PLCB1: variants seen among roughly 807,000 people sequenced by gnomAD.
PLCB1 encodes 1-phosphatidylinositol 4,5-bisphosphate phosphodiesterase beta-1.
In PLCB1, 46 loss-of-function variants were observed where a neutral mutation model predicts 161.8. The ratio of observed to expected loss-of-function variants is 0.28; its 90% CI spans 0.22 to 0.36. The LOEUF (loss-of-function observed/expected upper bound fraction) is 0.36, where lower values mean the gene tolerates loss of function less well. PLCB1 is among the 10% of genes least tolerant of loss of function. The probability of loss-of-function intolerance (pLI) is 1.00; values close to 1 mark genes in which losing one functional copy is unlikely to be tolerated. For missense variants in PLCB1, 1,016 were observed against 1,472.5 expected, an observed-to-expected ratio of 0.69 and a Z score of 5.07; for synonymous variants, 517 against 503.7, an observed-to-expected ratio of 1.03 and a Z score of -0.35.
intron 2 of PLCB1, among the ~76,000 whole-genome samples, chr20:8,209,734 A>C (rs921669863): frequency 2.6e-5 from 4 of 152,140 alleles, no homozygotes; most frequent in Non-Finnish European, 4.4e-5. Flanking sequence ...ATATGTCACT[A>C]TATAGAACAT....
intron 2 of PLCB1, among the ~76,000 whole-genome samples, chr20:8,176,596 T>C (rs768904194): frequency 1.3e-5 from 2 of 152,180 alleles, no homozygotes; most frequent in Non-Finnish European, 2.9e-5. Context: ...AACCTACAGA[T>C]GATAAACTTG....
At chr20:8,283,756 T>G (rs1982987370) in intron 2 of PLCB1, among the ~76,000 whole-genome samples, 1 of 151,992 alleles carries the variant, frequency 6.6e-6, no homozygotes, top group Admixed American at 6.6e-5. Context: ...TAGTACAAAT[T>G]TTAAGATGAT....
At chr20:8,176,539 G>C (rs1836624103) in intron 2 of PLCB1, among the ~76,000 whole-genome samples, 1 of 152,200 alleles carries the variant, frequency 6.6e-6, no homozygotes, top group Non-Finnish European at 1.5e-5. Flanking sequence ...AGGAATGCTT[G>C]TGGTGACGAT....
intron 23 of PLCB1, among the ~76,000 whole-genome samples, chr20:8,743,841 G>A (rs973545029): frequency 3.3e-5 from 5 of 152,020 alleles, no homozygotes; most frequent in Non-Finnish European, 7.4e-5. Flanking sequence ...AAAAGATTAA[G>A]AAAGACTGTT....
chr20:8,709,589 G>A (rs1417778236), intron 12 of PLCB1, among the ~76,000 whole-genome samples: 10 of 152,106 alleles, frequency 6.6e-5, no homozygotes, highest in Admixed American at 6.5e-4. Flanking sequence ...GAGCCTCTTT[G>A]TCCAAGTAAT....
chr20:8,662,164 C>A (rs13044406), intron 9 of PLCB1, among the ~76,000 whole-genome samples: 238 of 17,926 alleles, frequency 0.013, 1 homozygote, highest in African/African-American at 0.02. Flanking sequence ...TATTTATTAT[C>A]TAATTCTATA....
chr20:8,775,505 G>A (rs1454708207), intron 27 of PLCB1, among the ~76,000 whole-genome samples: 1 of 152,134 alleles, frequency 6.6e-6, no homozygotes, highest in African/African-American at 2.4e-5. Context: ...CTTTGCTGAG[G>A]GTCTGTGCAT....
At chr20:8,695,596 G>A (rs1990567691) in intron 10 of PLCB1, among the ~76,000 whole-genome samples, 1 of 152,100 alleles carries the variant, frequency 6.6e-6, no homozygotes, top group Non-Finnish European at 1.5e-5. Context: ...CAGTTACTTA[G>A]GAGGCTTAGG....
rs547874616 is a variant in PLCB1 at position 8,230,056 on chromosome 20, CAAAAAAA to C, written c.177+79707_177+79713del. On this transcript the variant is annotated intron_variant, in intron 2 of 31. Transcript: ENST00000338037. ...CGGCAACAGAGTTGCGACTTGGCAG[CAAAAAAA>C]AAAAAAAAAAAAAAAAAAAAAGAAA... is the stretch of plus-strand genomic sequence containing the variant. Among the ~76,000 whole-genome samples the C allele has an allele frequency of 5.9e-4, 35 of 58,876 alleles. 1 individual carries two copies. The East Asian group carries it at 8.0e-3, about 13-fold the overall frequency. 38.6% of individuals were successfully genotyped at this position (58,876 alleles called of 152,430 possible). A position where few individuals can be genotyped will look rare whatever the true frequency, so the allele number is the denominator to read the frequency against.
intron 11 of PLCB1, among the ~76,000 whole-genome samples, chr20:8,699,194 C>T (rs896431919): frequency 1.9e-4 from 29 of 152,198 alleles, no homozygotes; most frequent in Non-Finnish European, 3.1e-4. Context: ...AGCCCTGTTG[C>T]CTGGGATACC....
chr20:8,550,644 C>T (rs771450742), intron 3 of PLCB1, among the ~76,000 whole-genome samples: 2 of 152,140 alleles, frequency 1.3e-5, no homozygotes, highest in African/African-American at 2.4e-5. Context: ...TACATACTTC[C>T]CCAAGACCTC....
intron 3 of PLCB1, among the ~76,000 whole-genome samples, chr20:8,379,442 C>G (rs537836891): frequency 6.6e-6 from 1 of 152,182 alleles, no homozygotes; most frequent in South Asian, 2.1e-4. Flanking sequence ...AATAGAATGA[C>G]TTATATTCCT....
intron 9 of PLCB1, among the ~76,000 whole-genome samples, chr20:8,668,649 A>G (rs569291699): frequency 6.6e-6 from 1 of 152,272 alleles, no homozygotes; most frequent in East Asian, 1.9e-4. Context: ...TGTGTTGTCA[A>G]GGCAGTCATT....
chr20:8,290,636 A>G (rs929656538), intron 2 of PLCB1, among the ~76,000 whole-genome samples: 14 of 152,174 alleles, frequency 9.2e-5, no homozygotes, highest in Non-Finnish European at 1.5e-4. Context: ...GGTTGGGTCT[A>G]CCTGGGAATA....
intron 3 of PLCB1, among the ~76,000 whole-genome samples, chr20:8,615,599 T>C (rs1988022845): frequency 6.6e-6 from 1 of 152,194 alleles, no homozygotes; most frequent in Non-Finnish European, 1.5e-5. Flanking sequence ...GAACATACTT[T>C]ATTTGGCTCT....
chr20:8,775,740 GA>G (rs1306300370), intron 27 of PLCB1, among the ~76,000 whole-genome samples: 1 of 152,190 alleles, frequency 6.6e-6, no homozygotes, highest in Non-Finnish European at 1.5e-5. Context: ...ATCACCTGGA[GA>G]GCTTGTTAGA....
intron 23 of PLCB1, among the ~76,000 whole-genome samples, chr20:8,748,581 A>G (rs1981290472): frequency 6.6e-6 from 1 of 152,220 alleles, no homozygotes; most frequent in South Asian, 2.1e-4. Flanking sequence ...GTCATGTCCA[A>G]TTATAAAATC....
At chr20:8,428,238 T>C (rs1405277933) in intron 3 of PLCB1, among the ~76,000 whole-genome samples, 1 of 150,502 alleles carries the variant, frequency 6.6e-6, no homozygotes, top group Non-Finnish European at 1.5e-5. Context: ...TTTTTTTTTC[T>C]GTGACAGAGT....
At chr20:8,514,798 T>C (rs955818680) in intron 3 of PLCB1, among the ~76,000 whole-genome samples, 4 of 152,212 alleles carry the variant, frequency 2.6e-5, no homozygotes, top group African/African-American at 9.6e-5. Flanking sequence ...TTATTATTTT[T>C]GGTTCATGTA....
Sources: allele counts gnomAD v4.1 joint callset (sites outside exome capture counted in the v4.1 genomes callset), GRCh38; gene constraint gnomAD v4.1.1; transcripts MANE v1.5; gene names NCBI Gene and HGNC (gene_info 2026-07-23, HGNC 2026-07-21).